CHAF1A: variants seen among roughly 807,000 people sequenced by gnomAD.
The protein encoded by CHAF1A is CAF-1 subunit A.
In CHAF1A, 5 loss-of-function variants were observed where a neutral mutation model predicts 93.2. That is an observed-to-expected ratio of 0.05 (90% CI 0.03 to 0.11). The LOEUF (loss-of-function observed/expected upper bound fraction) is 0.11, where lower values mean the gene tolerates loss of function less well. Among genes scored for constraint, CHAF1A ranks in the 10% least tolerant of loss-of-function variants. The probability of loss-of-function intolerance (pLI) is 1.00; values close to 1 mark genes in which losing one functional copy is unlikely to be tolerated. For missense variants in CHAF1A, 1,102 were observed against 1,259.9 expected (o/e 0.87, Z 1.90); for synonymous variants, 504 against 510.3 (o/e 0.99, Z 0.17).
intron 14 of CHAF1A, 147 bp from the exon 15 acceptor site, chr19:4,442,778 C>G: frequency 1.6e-6 from 1 of 612,340 alleles, no homozygotes; most frequent in Non-Finnish European, 2.8e-6. Flanking sequence ...AGAGGCACAA[C>G]GCCCCAGCCT....
chr19:4,423,256 T>C (rs1974022325), intron 5 of CHAF1A, 79 bp from the exon 6 acceptor site: 3 of 1,587,236 alleles, frequency 1.9e-6, no homozygotes, highest in Non-Finnish European at 2.6e-6. Context: ...ATACTTGCCA[T>C]ATACTAACAG....
chr19:4,428,317 G>A (rs750940154), intron 7 of CHAF1A, among the ~76,000 whole-genome samples: 1 of 147,724 alleles, frequency 6.8e-6, no homozygotes, highest in African/African-American at 2.5e-5. Context: ...TTTAAGTGAG[G>A]TTTGTTGAGA....
chr19:4,408,248 A>G (rs1973718228), intron 2 of CHAF1A, among the ~76,000 whole-genome samples: 2 of 147,024 alleles, frequency 1.4e-5, no homozygotes, highest in Admixed American at 1.4e-4. Context: ...GCTGGAGTGC[A>G]GTGGCGTGAT....
intron 3 of CHAF1A, among the ~76,000 whole-genome samples, chr19:4,411,019 TTTATC>T (rs1383631903): frequency 3.3e-5 from 5 of 152,182 alleles, no homozygotes; most frequent in Non-Finnish European, 5.9e-5. Flanking sequence ...TTTTTTACTT[TTTATC>T]TTAAGTATGT....
intron 1 of CHAF1A, among the ~76,000 whole-genome samples, chr19:4,403,439 C>G (rs532272468): frequency 4.6e-5 from 7 of 152,230 alleles, no homozygotes; most frequent in Non-Finnish European, 1.5e-5. Context: ...CAGACTGTCC[C>G]TCTCCCTTGC....
intron 13 of CHAF1A, among the ~76,000 whole-genome samples, chr19:4,439,480 G>A (rs1233993842): frequency 3.3e-5 from 5 of 152,160 alleles, no homozygotes; most frequent in African/African-American, 7.2e-5. Context: ...AGTGGGACTC[G>A]GTGTTATGTG....
At chr19:4,446,756 GGA>G (rs776865157), downstream of CHAF1A, 26 of 1,611,326 alleles carry the variant, frequency 1.6e-5, no homozygotes, top group South Asian at 8.8e-5. Flanking sequence ...ACTGTGCAAT[GGA>G]GAGACCCCCA....
At chr19:4,445,810 C>T, downstream of CHAF1A, 1 of 1,092,810 alleles carries the variant, frequency 9.2e-7, no homozygotes, top group Non-Finnish European at 1.3e-6. Context: ...CCTAAACCTA[C>T]TGCACTAGCT....
chr19:4,415,263 A>G (rs908169799), intron 3 of CHAF1A, among the ~76,000 whole-genome samples: 1 of 152,232 alleles, frequency 6.6e-6, no homozygotes, highest in Non-Finnish European at 1.5e-5. Context: ...GGTTTGGCAA[A>G]GCAAAAAAGA....
At chr19:4,405,761 C>A in intron 1 of CHAF1A, 151 bp from the exon 2 acceptor site, 1 of 632,676 alleles carries the variant, frequency 1.6e-6, no homozygotes, top group Non-Finnish European at 2.8e-6. Context: ...TCATGACAAC[C>A]AAAAACATCT....
chr19:4,408,073 C>G (rs1444659658), intron 2 of CHAF1A, among the ~76,000 whole-genome samples: 1 of 151,836 alleles, frequency 6.6e-6, no homozygotes, highest in Non-Finnish European at 1.5e-5. Context: ...GTTGCACCAC[C>G]ACAGCTCACT....
intron 4 of CHAF1A, among the ~76,000 whole-genome samples, chr19:4,421,015 A>G (rs1239932796): frequency 6.6e-6 from 1 of 152,170 alleles, no homozygotes; most frequent in African/African-American, 2.4e-5. Flanking sequence ...GTGAGCCAAG[A>G]TAGCATTGCT....
At chr19:4,429,299 TG>T in intron 8 of CHAF1A, 138 bp from the exon 9 acceptor site, 1 of 970,942 alleles carries the variant, frequency 1.0e-6, no homozygotes, top group Non-Finnish European at 1.5e-6. Context: ...GACCTTTCTT[TG>T]GGGACAGGCA....
chr19:4,437,490 A>G (rs998224723), intron 13 of CHAF1A, among the ~76,000 whole-genome samples: 1 of 152,156 alleles, frequency 6.6e-6, no homozygotes, highest in African/African-American at 2.4e-5. Context: ...CTGGGAGTAT[A>G]GAGGCACGTG....
chr19:4,405,824 C>A, intron 1 of CHAF1A, 88 bp from the exon 2 acceptor site: 2 of 1,199,746 alleles, frequency 1.7e-6, no homozygotes, highest in Non-Finnish European at 2.5e-6. Context: ...TTGCCTCCAC[C>A]TTGTACATAA....
chr19:4,440,335 G>T (rs897223088), intron 13 of CHAF1A, among the ~76,000 whole-genome samples: 1 of 151,790 alleles, frequency 6.6e-6, no homozygotes, highest in Non-Finnish European at 1.5e-5. Flanking sequence ...GGTCAGGTGC[G>T]GTGGCTCACA....
intron 3 of CHAF1A, among the ~76,000 whole-genome samples, chr19:4,412,222 G>A (rs551397810): frequency 1.1e-4 from 17 of 152,238 alleles, no homozygotes; most frequent in African/African-American, 3.6e-4. Flanking sequence ...GCAAAATTTC[G>A]TCCTGTGATG....
At chr19:4,414,937 G>A (rs1973872124) in intron 3 of CHAF1A, among the ~76,000 whole-genome samples, 1 of 152,152 alleles carries the variant, frequency 6.6e-6, no homozygotes, top group Non-Finnish European at 1.5e-5. Flanking sequence ...TCTGGTCTGG[G>A]CTTAGAAATT....
rs745991244 is a variant in CHAF1A, at chr19:4,433,534, G to A, written c.2668G>A (p.Gly890Ser). The A allele has an allele frequency of 3.8e-6, 6 of 1,572,554 alleles. No homozygotes were observed. Among genetic ancestry groups the A allele is most frequent in the Admixed American group, 1.7e-5 (1 of 58,024 alleles). Residue 890 changes from glycine (G) to serine (S), a missense_variant, in exon 13 of 15, where the codon GGC (glycine) becomes AGC (serine). Transcript: ENST00000301280. The surrounding 1 kb of genome is among the most constrained non-coding windows in gnomAD (Gnocchi z 5.6). ...ATTCATGAAGAAGCGCAGGCACGAC[G>A]GCCAGGTGAGGTGGGGTGGGCAGGT... ...TQFMKKRRHD[G>S]QIGAEDMDGF...
Sources: gnomAD v4.1 joint callset for allele counts (sites outside exome capture counted in the v4.1 genomes callset) on GRCh38, gnomAD v4.1.1 for gene constraint, Gnocchi (gnomAD v3.1) non-coding constraint, MANE v1.5 for transcripts, NCBI Gene and HGNC (gene_info 2026-07-23, HGNC 2026-07-21) for gene names.